Variants in TOP2B observed in about 807,000 individuals in gnomAD.
The protein encoded by TOP2B is DNA topoisomerase 2-beta.
A neutral mutation model predicts 193.5 loss-of-function variants in TOP2B; 51 were observed. The observed-to-expected ratio is 0.26, with a 90% CI of 0.21 to 0.33. The LOEUF (loss-of-function observed/expected upper bound fraction) is 0.33, where lower values mean the gene tolerates loss of function less well. TOP2B is among the 10% of genes least tolerant of loss of function. TOP2B has a pLI of 1.00. For missense variants in TOP2B, 1,378 were observed against 1,909.3 expected, an observed-to-expected ratio of 0.72 and a Z score of 5.19; for synonymous variants, 634 against 635.7, an observed-to-expected ratio of 1.00 and a Z score of 0.04.
At chr3:25,657,063 C>G (rs185555081) in intron 1 of TOP2B, among the ~76,000 whole-genome samples, 28 of 152,300 alleles carry the variant, frequency 1.8e-4, no homozygotes, top group African/African-American at 6.0e-4. Flanking sequence ...CACTAGAATC[C>G]AATTTGTCTT....
chr3:25,625,991 G>C (rs1280351838), intron 18 of TOP2B, among the ~76,000 whole-genome samples: 1 of 151,912 alleles, frequency 6.6e-6, no homozygotes, highest in Admixed American at 6.6e-5. Flanking sequence ...TTGAGGGATA[G>C]GTAGAAACAT....
At position 25,598,579 on chromosome 3, in the gene TOP2B, A is replaced by C. The variant is rs76549606; in HGVS notation, c.4711-102T>G. On this transcript the variant is annotated intron_variant, in intron 35 of 35. Transcript: ENST00000264331. ...TTCGCTTATGTTTAGGAAGTATTAC[A>C]AATAATGGTGCTTTTAAAATTAGAA... The C allele has an allele frequency of 0.012, 9,795 of 842,152 alleles. 619 individuals carry two copies. The African/African-American group carries it at 0.14, about 12-fold the overall frequency. 52.2% of individuals were successfully genotyped at this position (842,152 alleles called of 1,614,324 possible).
chr3:25,619,735 T>TG (rs1393500741), intron 23 of TOP2B, 127 bp downstream of exon 23: 24 of 598,432 alleles, frequency 4.0e-5, no homozygotes, highest in African/African-American at 1.2e-4. Context: ...ATCTGCAGGA[T>TG]GGGAAAAAAA....
chr3:25,637,984 C>T (rs1384835828), intron 5 of TOP2B, among the ~76,000 whole-genome samples, 181 bp downstream of exon 5: 1 of 151,818 alleles, frequency 6.6e-6, no homozygotes, highest in Non-Finnish European at 1.5e-5. Flanking sequence ...TACTATCAGT[C>T]TTAAGGTTTT....
rs952443408 is a variant in TOP2B at position 25,601,182 on chromosome 3, T to G, written c.4533A>C (p.Pro1511=). 5 of 1,613,792 alleles carry G rather than the reference T, an allele frequency of 3.1e-6. No homozygotes were observed. In the Admixed American group the frequency reaches 5.0e-5, roughly 16 times the overall value. The change falls in exon 34 of 36, where the codon CCA becomes CCC. Residue 1511 remains proline (P), a synonymous_variant. Transcript: ENST00000264331. ...SDTVPKPKRA[P]KQKKVVEAVN... is the part of the protein sequence containing the mutation. ...CAGCCTCTACTACTTTCTTCTGTTT[T>G]GGGGCTCTCTTGGGCTTAGGGACTG... is the stretch of plus-strand genomic sequence containing the variant.
chr3:25,604,701 T>A, intron 33 of TOP2B, 59 bp downstream of exon 33: 1 of 1,321,620 alleles, frequency 7.6e-7, no homozygotes, highest in South Asian at 1.3e-5. Flanking sequence ...TAAATTACAT[T>A]TCCTTTTACA....
At chr3:25,622,735 G>A (rs1381421139) in intron 21 of TOP2B, among the ~76,000 whole-genome samples, 1 of 151,758 alleles carries the variant, frequency 6.6e-6, no homozygotes, top group East Asian at 1.9e-4. Context: ...CCACCTCCTG[G>A]GTTCAAGCGA....
intron 1 of TOP2B, among the ~76,000 whole-genome samples, chr3:25,648,101 A>G (rs1340248172): frequency 6.6e-6 from 1 of 152,274 alleles, no homozygotes; most frequent in Non-Finnish European, 1.5e-5. Flanking sequence ...CCAATGGAAC[A>G]GCTGAGGGCA....
At chr3:25,626,537 T>C (rs1208606511) in intron 18 of TOP2B, 23 bp downstream of exon 18, 3 of 1,258,450 alleles carry the variant, frequency 2.4e-6, no homozygotes, top group Admixed American at 3.0e-5. Flanking sequence ...CATTAAAAAA[T>C]GAGGTTTTTA....
intron 1 of TOP2B, among the ~76,000 whole-genome samples, chr3:25,646,878 G>A (rs1450312540): frequency 2.0e-5 from 3 of 152,018 alleles, no homozygotes; most frequent in African/African-American, 7.2e-5. Flanking sequence ...ATTTCACAAT[G>A]CAGTAAGTTT....
rs767774740 is a variant in TOP2B at position 25,607,284 on chromosome 3, C to T, written c.4185G>A (p.Leu1395=). The part of the protein sequence containing the change: ...DDDDNNDLEE[L]KVKASPITND... Reference sequence around the variant, plus strand: ...TTGTTATGGGAGATGCTTTAACTTTCAATTCCTCTAAATCATTATTGTCAT... The same window carrying T: ...TTGTTATGGGAGATGCTTTAACTTTTAATTCCTCTAAATCATTATTGTCAT... The change falls in exon 31 of 36, where the codon TTG becomes TTA. Residue 1395 remains leucine (L), a synonymous_variant. Transcript: ENST00000264331. 7 of 1,568,058 alleles carry T rather than the reference C, an allele frequency of 4.5e-6. No homozygotes were observed. Among genetic ancestry groups the T allele is most frequent in the Non-Finnish European group, 5.2e-6 (6 of 1,154,696 alleles).
chr3:25,605,997 T>C (rs2125346951), intron 32 of TOP2B, 46 bp downstream of exon 32: 1 of 1,120,700 alleles, frequency 8.9e-7, no homozygotes, highest in Non-Finnish European at 1.2e-6. Flanking sequence ...TCTCCACCAC[T>C]AAAAGCAATA....
intron 32 of TOP2B, among the ~76,000 whole-genome samples, chr3:25,605,466 A>G (rs1454610282): frequency 6.6e-6 from 1 of 152,150 alleles, no homozygotes; most frequent in Non-Finnish European, 1.5e-5. Flanking sequence ...CACACTGTCA[A>G]AAATGAGTAC....
intron 18 of TOP2B, chr3:25,625,068 G>T (rs1575572363): frequency 1.5e-5 from 4 of 263,402 alleles, no homozygotes; most frequent in East Asian, 8.4e-5. Flanking sequence ...ACAACATTCT[G>T]GCCTTAAAGA....
intron 21 of TOP2B, among the ~76,000 whole-genome samples, chr3:25,621,548 A>G (rs538072142): frequency 6.6e-6 from 1 of 152,078 alleles, no homozygotes; most frequent in Non-Finnish European, 1.5e-5. Context: ...TTTTGTAGAG[A>G]CAGGGTTTTG....
Position 25,645,403 on chromosome 3 carries a change from G to A in TOP2B, c.137C>T (p.Ser46Leu), listed in dbSNP as rs1383841349. The A allele has an allele frequency of 6.8e-6, 11 of 1,613,560 alleles. No individual in the cohort carries two copies. The highest frequency in any genetic ancestry group is 6.7e-5 in the Admixed American group (4 of 59,978). Residue 46 changes from serine to leucine, a missense_variant, in exon 2 of 36, where the codon TCA becomes TTA. Coordinates refer to ENST00000264331, the MANE Select transcript of TOP2B (RefSeq NM_001330700.2). ...ESETANKNDS[S>L]KKLSVERVYQ... ...CACTCTCTCAACAGACAACTTCTTT[G>A]AAGAATCATTTTTGTTGGCAGTTTC... is the stretch of plus-strand genomic sequence containing the variant.
At chr3:25,641,900 A>G (rs1207198295) in intron 4 of TOP2B, among the ~76,000 whole-genome samples, 1 of 152,212 alleles carries the variant, frequency 6.6e-6, no homozygotes, top group African/African-American at 2.4e-5. Flanking sequence ...TAATATAATT[A>G]GCTAAACAAC....
chr3:25,664,718 ACTCCGCGAAGG>A lies in TOP2B; in HGVS notation c.-432_-422del, dbSNP rs1559514256. On this transcript the variant is annotated 5_prime_UTR_variant, in exon 1 of 36. Coordinates refer to ENST00000264331, the MANE Select transcript of TOP2B (RefSeq NM_001330700.2). ...CGCAGAGGTGCCTTGTCCTTCTCAC[ACTCCGCGAAGG>A]CCAGCCACTCGAGTCGCCAGAGTAG... 1.0e-6 allele frequency: 1 copy of A among 984,292 alleles called. No homozygotes were observed. The highest frequency in any genetic ancestry group is 1.2e-6 in the Non-Finnish European group (1 of 829,646). 61.0% of individuals were successfully genotyped at this position (984,292 alleles called of 1,614,324 possible).
intron 1 of TOP2B, among the ~76,000 whole-genome samples, chr3:25,648,685 A>C (rs1703484004): frequency 1.3e-5 from 2 of 152,008 alleles, no homozygotes; most frequent in South Asian, 2.1e-4. Context: ...GCCAAATCTT[A>C]TCTCTAGCAA....
Sources: gnomAD v4.1 joint callset for allele counts (sites outside exome capture counted in the v4.1 genomes callset) on GRCh38, gnomAD v4.1.1 for gene constraint, MANE v1.5 for transcripts, NCBI Gene and HGNC (gene_info 2026-07-23, HGNC 2026-07-21) for gene names.